The following COX4I1 variants were observed in gnomAD, a reference collection of about 807,000 sequenced individuals.
COX4I1 encodes cytochrome c oxidase subunit 4 isoform 1, mitochondrial.
COX4I1 carries 18 observed loss-of-function variants against 21.7 expected under a neutral mutation model. The observed-to-expected ratio is 0.83, with a 90% CI of 0.57 to 1.23. The LOEUF (loss-of-function observed/expected upper bound fraction) is 1.23. Among genes scored for constraint, COX4I1 ranks in the 50% most tolerant of loss-of-function variants. COX4I1 has a pLI of 0.00. For missense variants in COX4I1, 238 were observed against 220.7 expected (o/e 1.08, Z -0.50); for synonymous variants, 100 against 81.5 (o/e 1.23, Z -1.23).
intron 1 of COX4I1, among the ~76,000 whole-genome samples, chr16:85,800,363 G>T (rs1047657099): frequency 7.9e-5 from 12 of 152,226 alleles, no homozygotes; most frequent in Admixed American, 3.9e-4. Context: ...CCCGGGTGAG[G>T]GGGGGTCTCA....
chr16:85,802,346 T>C (rs1265889040), intron 2 of COX4I1, among the ~76,000 whole-genome samples: 1 of 152,258 alleles, frequency 6.6e-6, no homozygotes, highest in Admixed American at 6.5e-5. Context: ...GGATGCCTCA[T>C]GAATGCATGT....
At chr16:85,801,528 A>T (rs902657638) in intron 2 of COX4I1, among the ~76,000 whole-genome samples, 1 of 142,100 alleles carries the variant, frequency 7.0e-6, no homozygotes, top group African/African-American at 2.7e-5. Context: ...CCACTTTTTT[A>T]AGCTTCGAGA....
In COX4I1 at chr16:85,805,086, A is replaced by G. The variant is rs561331286; in HGVS notation, c.223A>G (p.Met75Val). The G allele has an allele frequency of 1.3e-5, 21 of 1,612,740 alleles. No homozygotes were observed. The African/African-American group carries it at 2.5e-4, about 19-fold the overall frequency. ...KEKASWSSLS[M>V]DEKVELYRIK... ...GAAGGCCTCCTGGAGCAGCCTCTCC[A>G]TGGATGAGAAAGTCGAGTGTGGGTA... Residue 75 changes from methionine (M) to valine (V), a missense_variant, in exon 3 of 5, where the codon ATG (methionine) becomes GTG (valine). Met to Val is a conservative substitution (Grantham distance 21). Transcript: ENST00000253452.
intron 4 of COX4I1, 186 bp downstream of exon 4, chr16:85,806,050 A>G: frequency 1.3e-6 from 1 of 747,898 alleles, no homozygotes; most frequent in South Asian, 1.8e-5. Flanking sequence ...AGGTTAGTTT[A>G]TAAGCCAGCA....
At chr16:85,800,852 G>C (rs1300998901) in intron 1 of COX4I1, among the ~76,000 whole-genome samples, 1 of 152,174 alleles carries the variant, frequency 6.6e-6, no homozygotes, top group East Asian at 1.9e-4. Flanking sequence ...TTGAACCCCT[G>C]ACCTCAGGTG....
chr16:85,804,058 T>G (rs1446777597), intron 2 of COX4I1: 3 of 152,290 alleles, frequency 2.0e-5, no homozygotes, highest in Non-Finnish European at 4.4e-5. Flanking sequence ...AACCCTGCCT[T>G]GCCTGTAGAG....
intron 1 of COX4I1, 135 bp from the exon 2 acceptor site, chr16:85,801,070 C>T (rs1355724253): frequency 1.6e-6 from 1 of 628,434 alleles, no homozygotes; most frequent in South Asian, 2.1e-5. Flanking sequence ...AATTCAGAGA[C>T]AGTGATAAAG....
At position 85,805,809 on chromosome 16, in the gene COX4I1, T is replaced by G. The variant is rs762185757; in HGVS notation, c.318T>G (p.Gly106=). The G allele has an allele frequency of 6.2e-7, 1 of 1,614,242 alleles. No individual in the cohort carries two copies. The highest frequency in any genetic ancestry group is 1.7e-5 in the Admixed American group (1 of 60,030). The part of the protein sequence containing the change: ...GSNEWKTVVG[G]AMFFIGFTAL... ...ACGAGTGGAAGACGGTTGTGGGCGG[T>G]GCCATGTTCTTCATCGGTTTCACCG... Residue 106 remains glycine, a synonymous_variant, in exon 4 of 5, where the codon GGT becomes GGG. Transcript: ENST00000253452.
At chr16:85,800,580 T>G (rs1486672014) in intron 1 of COX4I1, among the ~76,000 whole-genome samples, 1 of 152,208 alleles carries the variant, frequency 6.6e-6, no homozygotes, top group African/African-American at 2.4e-5. Flanking sequence ...AGTGCTTTAA[T>G]GATCTCTAGC....
intron 1 of COX4I1, among the ~76,000 whole-genome samples, chr16:85,800,137 G>A (rs1415527720): frequency 6.6e-6 from 1 of 152,196 alleles, no homozygotes; most frequent in African/African-American, 2.4e-5. Context: ...CGGGGCTCCC[G>A]GGCGGCGCTC....
Position 85,805,872 on chromosome 16 carries a change from G to C in COX4I1, c.373+8G>C. The C allele has an allele frequency of 2.5e-6, 4 of 1,614,038 alleles. No homozygotes were observed. Among genetic ancestry groups the C allele is most frequent in the Non-Finnish European group, 3.4e-6 (4 of 1,179,924 alleles). On this transcript the variant is annotated splice_region_variant and intron_variant, in intron 4 of 4. Transcript: ENST00000253452. The stretch of plus-strand genomic sequence containing the variant: ...TGTGGCAGAAGCACTATGGTGAGTA[G>C]AGAGGGAGGAAGGCATGGGCGCCTG...
At position 85,806,724 on chromosome 16, in the gene COX4I1, G is replaced by A; in HGVS notation, c.374-14G>A. 6.2e-7 allele frequency: 1 copy of A among 1,614,006 alleles called. No homozygotes were observed. The highest frequency in any genetic ancestry group is 1.1e-5 in the South Asian group (1 of 91,072). ...TTGAGATAGTCTTGCCCCATAACCTGTCTCACACCGTAGTGTACGGCCCCC... is the reference window on the plus strand; with the variant it reads ...TTGAGATAGTCTTGCCCCATAACCTATCTCACACCGTAGTGTACGGCCCCC... On this transcript the variant is annotated splice_polypyrimidine_tract_variant and intron_variant, in intron 4 of 4. Transcript: ENST00000253452.
In COX4I1 at chr16:85,801,369, C is replaced by CCTTA; in HGVS notation, c.73+92_73+95dup. ...AAGCCCTGTGCTGGAGTTTTAAAGACCTTAATTCGGCTCTTGAGGGTCTTT... is the reference window on the plus strand; with the variant it reads ...AAGCCCTGTGCTGGAGTTTTAAAGACCTTACTTAATTCGGCTCTTGAGGGTCTTT... On this transcript the variant is annotated intron_variant, in intron 2 of 4. Coordinates refer to ENST00000253452, the MANE Select transcript of COX4I1 (RefSeq NM_001861.6). 3.5e-6 allele frequency: 4 copies of CCTTA among 1,131,044 alleles called. No homozygotes were observed. In the Admixed American group the frequency reaches 7.5e-5, roughly 21 times the overall value. The allele number at this position is 1,131,044 out of a possible 1,614,324, so 70.1% of individuals were successfully genotyped here. A position where few individuals can be genotyped will look rare whatever the true frequency, so the allele number is the denominator to read the frequency against.
chr16:85,803,163 TA>T (rs1364029558), intron 2 of COX4I1: 2 of 152,226 alleles, frequency 1.3e-5, no homozygotes, highest in African/African-American at 4.8e-5. Context: ...CTGAACTTGA[TA>T]AAAATATTCA....
Position 85,806,886 on chromosome 16 carries a change from C to T in COX4I1, c.*12C>T, listed in dbSNP as rs969103424. ...AGTGGAAGAAGTGAGAGATGCTGGCCTGCGCCTGCACCTGCGCCTGGCTCT... is the reference window on the plus strand; with the variant it reads ...AGTGGAAGAAGTGAGAGATGCTGGCTTGCGCCTGCACCTGCGCCTGGCTCT... On this transcript the variant is annotated 3_prime_UTR_variant, in exon 5 of 5. Transcript: ENST00000253452. 1 of 1,608,994 alleles carries T rather than the reference C, an allele frequency of 6.2e-7. No homozygotes were observed. Among genetic ancestry groups the T allele is most frequent in the Admixed American group, 1.7e-5 (1 of 59,688 alleles).
In COX4I1 at chr16:85,807,004, C is replaced by T. The variant is rs1906269857; in HGVS notation, c.*130C>T. The T allele has an allele frequency of 1.1e-6, 1 of 938,098 alleles. No individual in the cohort carries two copies. The allele number at this position is 938,098 out of a possible 1,614,324, so 58.1% of individuals were successfully genotyped here. ...AATAAATGACCAGTTTACCTGAAACCCTTTGTGATCAGTTCTTTAATGATA... is the reference window on the plus strand; with the variant it reads ...AATAAATGACCAGTTTACCTGAAACTCTTTGTGATCAGTTCTTTAATGATA... On this transcript the variant is annotated 3_prime_UTR_variant, in exon 5 of 5. Transcript: ENST00000253452.
chr16:85,800,683 G>T (rs1027373125), intron 1 of COX4I1, among the ~76,000 whole-genome samples: 1 of 152,116 alleles, frequency 6.6e-6, no homozygotes, highest in African/African-American at 2.4e-5. Flanking sequence ...GGGTGCAGTG[G>T]TGCGGTCTCG....
rs1597218634 is a variant in COX4I1 at position 85,805,016 on chromosome 16, T to C, written c.153T>C (p.His51=). Residue 51 remains histidine, a synonymous_variant, in exon 3 of 5, where the codon CAT becomes CAC. Transcript: ENST00000253452. ...ACCACCCCTTGCCGGAGGTGGCCCA[T>C]GTCAAGCACCTGTCTGCCAGCCAGA... The part of the protein sequence containing the change: ...RRDHPLPEVA[H]VKHLSASQKA... 6.2e-7 allele frequency: 1 copy of C among 1,614,162 alleles called. No homozygotes were observed. The highest frequency in any genetic ancestry group is 8.5e-7 in the Non-Finnish European group (1 of 1,180,014).
At chr16:85,804,817 C>T in intron 2 of COX4I1, 120 bp from the exon 3 acceptor site, 1 of 836,472 alleles carries the variant, frequency 1.2e-6, no homozygotes, top group Non-Finnish European at 1.9e-6. Context: ...CTGTGACCCC[C>T]TGAGATGATC....
Sources: allele counts gnomAD v4.1 joint callset (sites outside exome capture counted in the v4.1 genomes callset), GRCh38; gene constraint gnomAD v4.1.1; transcripts MANE v1.5; gene names NCBI Gene and HGNC (gene_info 2026-07-23, HGNC 2026-07-21).